Variants in PCSK2 observed in about 807,000 individuals in gnomAD.
The protein encoded by PCSK2 is proprotein convertase subtilisin/kexin type 2.
In PCSK2, 14 loss-of-function variants were observed where a neutral mutation model predicts 69.7. That is an observed-to-expected ratio of 0.20 (90% CI 0.13 to 0.31). PCSK2 has a LOEUF of 0.31. Among genes scored for constraint, PCSK2 ranks in the 10% least tolerant of loss-of-function variants. The pLI is 1.00. For missense variants in PCSK2, 544 were observed against 842.5 expected, an observed-to-expected ratio of 0.65 and a Z score of 4.39; for synonymous variants, 307 against 320.7, an observed-to-expected ratio of 0.96 and a Z score of 0.46.
intron 5 of PCSK2, among the ~76,000 whole-genome samples, chr20:17,378,364 C>T (rs1364501954): frequency 6.6e-6 from 1 of 152,292 alleles, no homozygotes; most frequent in Admixed American, 6.5e-5. Context: ...TTTGCTTCCA[C>T]CTAGAAGCCT....
chr20:17,445,935 G>A (rs750724112), intron 8 of PCSK2, among the ~76,000 whole-genome samples: 25 of 152,276 alleles, frequency 1.6e-4, no homozygotes, highest in East Asian at 3.9e-4. Context: ...GTGACCAGCC[G>A]TCTCATTTTG....
At chr20:17,385,536 T>C (rs1021900838) in intron 5 of PCSK2, among the ~76,000 whole-genome samples, 1 of 152,236 alleles carries the variant, frequency 6.6e-6, no homozygotes, top group African/African-American at 2.4e-5. Context: ...CTTTTGAGAA[T>C]GACAGACATT....
At chr20:17,328,514 G>A (rs1340749960) in intron 2 of PCSK2, among the ~76,000 whole-genome samples, 2 of 151,368 alleles carry the variant, frequency 1.3e-5, no homozygotes, top group African/African-American at 4.8e-5. Flanking sequence ...ACATAATTTA[G>A]TACATATTTA....
intron 10 of PCSK2, chr20:17,464,777 T>A (rs1261430669): frequency 6.1e-6 from 1 of 164,810 alleles, no homozygotes; most frequent in Non-Finnish European, 1.3e-5. Flanking sequence ...ATTCTATAAG[T>A]TACACCTCAA....
intron 2 of PCSK2, among the ~76,000 whole-genome samples, chr20:17,311,775 T>C (rs1989520473): frequency 6.6e-6 from 1 of 152,146 alleles, no homozygotes; most frequent in Non-Finnish European, 1.5e-5. Context: ...GCTGTGAGTT[T>C]TACAAGACAT....
intron 2 of PCSK2, among the ~76,000 whole-genome samples, chr20:17,283,959 G>A (rs11696277): frequency 0.2 from 30,371 of 152,138 alleles, 3,538 homozygotes; most frequent in Middle Eastern, 0.29. Flanking sequence ...GCCATGGCCA[G>A]AATCCACATT....
At chr20:17,441,314 C>A (rs1349312511) in intron 8 of PCSK2, among the ~76,000 whole-genome samples, 1 of 152,130 alleles carries the variant, frequency 6.6e-6, no homozygotes, top group Non-Finnish European at 1.5e-5. Context: ...GGGTCAGAGG[C>A]CAGTCAGATG....
intron 2 of PCSK2, among the ~76,000 whole-genome samples, chr20:17,322,124 C>A (rs548829149): frequency 3.3e-5 from 5 of 152,168 alleles, no homozygotes; most frequent in African/African-American, 1.2e-4. Flanking sequence ...CAAAAGAAAC[C>A]TGTTGATCAA....
chr20:17,395,888 AAGG>A (rs1201212326), intron 5 of PCSK2, among the ~76,000 whole-genome samples: 1 of 152,262 alleles, frequency 6.6e-6, no homozygotes, highest in Admixed American at 6.5e-5. Context: ...AGAGCTGAAA[AAGG>A]AGAAGCAGGT....
rs1458116918 is a variant in PCSK2, at chr20:17,303,522, A to T, written c.282+43178A>T. Among the ~76,000 whole-genome samples, 119 of 26,422 alleles carry T rather than the reference A, an allele frequency of 4.5e-3. 1 individual carries two copies. Among genetic ancestry groups the T allele is most frequent in the East Asian group, 0.012 (5 of 406 alleles). The allele number at this position is 26,422 out of a possible 152,430, so 17.3% of individuals were successfully genotyped here. A position where few individuals can be genotyped will look rare whatever the true frequency, so the allele number is the denominator to read the frequency against. ...TATAATATATATTATATATAATATA[A>T]TATATATTATATTATATATAATATG... On this transcript the variant is annotated intron_variant, in intron 2 of 11. Coordinates refer to ENST00000262545, the MANE Select transcript of PCSK2 (RefSeq NM_002594.5).
chr20:17,445,670 G>C (rs1053663212), intron 8 of PCSK2, among the ~76,000 whole-genome samples: 1 of 152,230 alleles, frequency 6.6e-6, no homozygotes, highest in Non-Finnish European at 1.5e-5. Flanking sequence ...TCAGAGCCAC[G>C]GGTCGTACAC....
At chr20:17,268,790 G>A (rs141300388) in intron 2 of PCSK2, among the ~76,000 whole-genome samples, 378 of 152,318 alleles carry the variant, frequency 2.5e-3, no homozygotes, top group African/African-American at 8.4e-3. Context: ...CTGGACTAGA[G>A]AGATCCATGC....
At chr20:17,354,912 T>C (rs990361369) in intron 2 of PCSK2, among the ~76,000 whole-genome samples, 2 of 151,924 alleles carry the variant, frequency 1.3e-5, no homozygotes, top group African/African-American at 2.4e-5. Flanking sequence ...AAAAAAAAAG[T>C]TTTCCAGTTA....
chr20:17,274,351 G>A (rs560262068), intron 2 of PCSK2, among the ~76,000 whole-genome samples: 3 of 152,236 alleles, frequency 2.0e-5, no homozygotes, highest in Admixed American at 6.5e-5. Context: ...CTGCAATAGG[G>A]CCTGGCTCCT....
chr20:17,481,911 G>C lies in PCSK2; in HGVS notation c.1758G>C (p.Glu586Asp). 1.2e-6 allele frequency: 2 copies of C among 1,613,960 alleles called. No homozygotes were observed. Among genetic ancestry groups the C allele is most frequent in the Non-Finnish European group, 8.5e-7 (1 of 1,180,026 alleles). The change falls in exon 12 of 12, where the codon GAG becomes GAC. Residue 586 changes from glutamate (E) to aspartate (D), a missense_variant. Coordinates refer to ENST00000262545, the MANE Select transcript of PCSK2 (RefSeq NM_002594.5). ...CCCCGCAGAAGGGGGTGCTGAAGGA[G>C]TGGACCCTGATGCTGCATGGCACTC... Reference protein sequence around the residue: ...GSAPQKGVLKEWTLMLHGTQS... With the variant: ...GSAPQKGVLKDWTLMLHGTQS...
At chr20:17,345,852 C>G (rs900232179) in intron 2 of PCSK2, among the ~76,000 whole-genome samples, 7 of 152,200 alleles carry the variant, frequency 4.6e-5, no homozygotes, top group African/African-American at 1.7e-4. Context: ...TCACACACAC[C>G]TGTAAAGGAG....
chr20:17,433,238 A>G (rs570224663), intron 7 of PCSK2, among the ~76,000 whole-genome samples: 4 of 152,354 alleles, frequency 2.6e-5, no homozygotes, highest in South Asian at 2.1e-4. Flanking sequence ...GTGCTTTCAC[A>G]TATTATTATC....
At chr20:17,321,120 A>C (rs1207979877) in intron 2 of PCSK2, among the ~76,000 whole-genome samples, 1 of 152,194 alleles carries the variant, frequency 6.6e-6, no homozygotes, top group Non-Finnish European at 1.5e-5. Flanking sequence ...AACATTATTC[A>C]CCCAAGTTAC....
chr20:17,352,460 T>C (rs1201999829), intron 2 of PCSK2, among the ~76,000 whole-genome samples: 1 of 152,164 alleles, frequency 6.6e-6, no homozygotes, highest in Non-Finnish European at 1.5e-5. Context: ...ATTGTAAGCC[T>C]ACAGTAATCA....
Sources: gnomAD v4.1 joint callset for allele counts (sites outside exome capture counted in the v4.1 genomes callset) on GRCh38, gnomAD v4.1.1 for gene constraint, MANE v1.5 for transcripts, NCBI Gene and HGNC (gene_info 2026-07-23, HGNC 2026-07-21) for gene names.